SAXO4: variants seen among roughly 807,000 people sequenced by gnomAD.
SAXO4 encodes the protein stabilizer of axonemal microtubules 4.
the SAXO4 span, chr11:61,489,962 G>A: frequency 5.6e-6 from 9 of 1,600,266 alleles, no homozygotes; most frequent in Admixed American, 1.7e-5. Flanking sequence ...ACCACCCCCA[G>A]CTCTGTTCTT....
chr11:61,486,732 A>G, the SAXO4 span: 3 of 1,021,972 alleles, frequency 2.9e-6, no homozygotes, highest in African/African-American at 3.2e-5. Flanking sequence ...ATGTGGAGGT[A>G]GGCCCTCAGG....
At chr11:61,482,607 G>T in the SAXO4 span, 3 of 1,613,284 alleles carry the variant, frequency 1.9e-6, no homozygotes, top group Non-Finnish European at 2.5e-6. Context: ...CTCCTTAGCA[G>T]AGGACAGAGG....
chr11:61,482,596 G>C, the SAXO4 span: 5 of 1,611,226 alleles, frequency 3.1e-6, no homozygotes, highest in African/African-American at 4.0e-5. Context: ...GAGGAGGGAA[G>C]CTCCTTAGCA....
chr11:61,481,508 T>G, the SAXO4 span, among the ~76,000 whole-genome samples: 1 of 152,140 alleles, frequency 6.6e-6, no homozygotes, highest in African/African-American at 2.4e-5. Context: ...GAGCAAATCC[T>G]TTATCACTTG....
the SAXO4 span, chr11:61,485,682 C>T: frequency 2.0e-5 from 16 of 788,968 alleles, no homozygotes; most frequent in African/African-American, 6.9e-5. Flanking sequence ...ATCCTCATGG[C>T]GCAGGTCTCC....
the SAXO4 span, chr11:61,482,038 G>A: frequency 2.6e-6 from 2 of 760,468 alleles, no homozygotes; most frequent in African/African-American, 3.5e-5. Flanking sequence ...GAATCCGTTT[G>A]TCCCCTGGGC....
At chr11:61,483,819 A>G in the SAXO4 span, among the ~76,000 whole-genome samples, 1 of 152,148 alleles carries the variant, frequency 6.6e-6, no homozygotes, top group African/African-American at 2.4e-5. Flanking sequence ...CTAGCTGGGC[A>G]TGGTGGCACG....
At chr11:61,490,495 C>T in the SAXO4 span, 1 of 1,613,836 alleles carries the variant, frequency 6.2e-7, no homozygotes, top group Non-Finnish European at 8.5e-7. Flanking sequence ...TCTTGCCTCC[C>T]TGCAGAACCC....
At chr11:61,482,978 C>A in the SAXO4 span, among the ~76,000 whole-genome samples, 1 of 151,716 alleles carries the variant, frequency 6.6e-6, no homozygotes, top group Admixed American at 6.6e-5. Flanking sequence ...TCCCCACCAT[C>A]CCCACCACCT....
At chr11:61,489,332 G>A in the SAXO4 span, 5 of 269,748 alleles carry the variant, frequency 1.9e-5, no homozygotes, top group Admixed American at 1.5e-4. Context: ...CCCCGGGATT[G>A]TCATCACTGA....
chr11:61,486,516 C>T, the SAXO4 span: 7 of 1,613,852 alleles, frequency 4.3e-6, no homozygotes, highest in South Asian at 3.3e-5. Flanking sequence ...CTGCTTTGCT[C>T]CCTCCAGGGA....
chr11:61,484,671 G>A, the SAXO4 span: 3 of 1,612,656 alleles, frequency 1.9e-6, no homozygotes, highest in Middle Eastern at 1.7e-4. Context: ...CTTGTAATTG[G>A]CCCTTCTTCC....
chr11:61,482,799 C>G, the SAXO4 span: 24 of 1,608,870 alleles, frequency 1.5e-5, no homozygotes, highest in East Asian at 2.9e-4. Flanking sequence ...CGGGTCCCCC[C>G]ACCAAGGAGG....
the SAXO4 span, chr11:61,486,478 G>A: frequency 1.2e-6 from 2 of 1,611,592 alleles, no homozygotes; most frequent in Non-Finnish European, 1.7e-6. Flanking sequence ...AGGTGGTGGG[G>A]GAGGCAGCCA....
At chr11:61,484,678 T>G in the SAXO4 span, 3 of 1,613,074 alleles carry the variant, frequency 1.9e-6, no homozygotes, top group Non-Finnish European at 2.5e-6. Context: ...TTGGCCCTTC[T>G]TCCTCCCAGG....
At chr11:61,484,779 A>G in the SAXO4 span, 1 of 1,610,652 alleles carries the variant, frequency 6.2e-7, no homozygotes, top group Non-Finnish European at 8.5e-7. Context: ...CACCAGCAGC[A>G]GGGCCAGGAC....
chr11:61,484,689 T>A, the SAXO4 span: 6 of 1,613,478 alleles, frequency 3.7e-6, no homozygotes, highest in Non-Finnish European at 5.1e-6. Flanking sequence ...TCCTCCCAGG[T>A]CCGGAAGGTC....
chr11:61,486,890 C>G, the SAXO4 span: 1 of 1,428,452 alleles, frequency 7.0e-7, no homozygotes, highest in East Asian at 2.3e-5. Flanking sequence ...CCCTCTCCAT[C>G]CCTGCTGCCT....
the SAXO4 span, chr11:61,482,469 A>G: frequency 1.3e-6 from 2 of 1,588,612 alleles, no homozygotes; most frequent in Non-Finnish European, 1.7e-6. Context: ...TGCCCTGCTC[A>G]TCAGACCAAC....
Sources: gnomAD v4.1 joint callset for allele counts (sites outside exome capture counted in the v4.1 genomes callset) on GRCh38, gnomAD v4.1.1 for gene constraint, MANE v1.5 for transcripts, NCBI Gene and HGNC (gene_info 2026-07-23, HGNC 2026-07-21) for gene names.